Variants in SYCP1 observed in about 807,000 individuals in gnomAD.
The protein encoded by SYCP1 is cancer/testis antigen 8.
A neutral mutation model predicts 153.1 loss-of-function variants in SYCP1; 64 were observed. The observed-to-expected ratio is 0.42, with a 90% confidence interval of 0.34 to 0.51. The LOEUF is 0.51. Among genes scored for constraint, SYCP1 ranks in the 20% least tolerant of loss-of-function variants. The pLI is 0.06. For missense variants in SYCP1, 997 were observed against 1,049.0 expected, an observed-to-expected ratio of 0.95 and a Z score of 0.68; for synonymous variants, 384 against 341.8, an observed-to-expected ratio of 1.12 and a Z score of -1.36.
chr1:114,867,161 T>G (rs1570660215), intron 8 of SYCP1, among the ~76,000 whole-genome samples: 1 of 152,172 alleles, frequency 6.6e-6, no homozygotes, highest in African/African-American at 2.4e-5. Flanking sequence ...TGTAGCTTTA[T>G]AGTAAGTCTT....
chr1:114,924,780 A>T (rs1359706080), intron 21 of SYCP1, among the ~76,000 whole-genome samples: 1 of 152,006 alleles, frequency 6.6e-6, no homozygotes, highest in Non-Finnish European at 1.5e-5. Flanking sequence ...GCATGGAGAG[A>T]TGAAGGTGGG....
At chr1:114,900,399 GC>G (rs1667350434) in intron 16 of SYCP1, among the ~76,000 whole-genome samples, 1 of 152,056 alleles carries the variant, frequency 6.6e-6, no homozygotes, top group Admixed American at 6.5e-5. Context: ...TCCTGCCTGA[GC>G]CTCCTGAGTA....
chr1:114,933,438 A>T (rs1353240935), intron 23 of SYCP1, among the ~76,000 whole-genome samples: 1 of 152,188 alleles, frequency 6.6e-6, no homozygotes, highest in African/African-American at 2.4e-5. Context: ...AACCACAAAG[A>T]TGGGGAGAAA....
At chr1:114,987,309 T>A (rs919225393) in intron 30 of SYCP1, among the ~76,000 whole-genome samples, 21 of 151,020 alleles carry the variant, frequency 1.4e-4, no homozygotes, top group African/African-American at 3.9e-4. Context: ...AAACAGAAAA[T>A]CCCGGGGAAG....
chr1:114,995,317 G>C lies in SYCP1; in HGVS notation c.*298G>C. 4.9e-6 allele frequency: 1 copy of C among 203,330 alleles called. No homozygotes were observed. The highest frequency in any genetic ancestry group is 1.0e-5 in the Non-Finnish European group (1 of 100,486). 12.6% of individuals were successfully genotyped at this position (203,330 alleles called of 1,614,324 possible). A position where few individuals can be genotyped will look rare whatever the true frequency, so the allele number is the denominator to read the frequency against. ...AAGTTAGCCTTTGAATGCTAAGAAT[G>C]CATTATTGAGGGTCATTCTTTATTC... On this transcript the variant is annotated 3_prime_UTR_variant, in exon 32 of 32. Coordinates refer to ENST00000369522, the MANE Select transcript of SYCP1 (RefSeq NM_003176.4).
At chr1:114,877,992 A>G in intron 11 of SYCP1, 102 bp from the exon 12 acceptor site, 1 of 699,396 alleles carries the variant, frequency 1.4e-6, no homozygotes, top group Non-Finnish European at 2.3e-6. Flanking sequence ...GGACCAGCTG[A>G]AAAGCATGTA....
At chr1:114,915,390 A>G (rs1422716755) in intron 20 of SYCP1, among the ~76,000 whole-genome samples, 1 of 152,208 alleles carries the variant, frequency 6.6e-6, no homozygotes, top group Non-Finnish European at 1.5e-5. Context: ...ACAAGTTACT[A>G]TGCTTTTTCT....
intron 30 of SYCP1, among the ~76,000 whole-genome samples, chr1:114,986,680 G>A (rs1437897041): frequency 4.6e-5 from 7 of 151,948 alleles, no homozygotes; most frequent in African/African-American, 7.2e-5. Context: ...TAAAAATTAA[G>A]ATTTAAAAAT....
chr1:114,977,176 G>A (rs752654674), intron 27 of SYCP1, among the ~76,000 whole-genome samples: 24 of 151,620 alleles, frequency 1.6e-4, no homozygotes, highest in Non-Finnish European at 3.0e-4. Context: ...ATCTAATTCT[G>A]CCTGTAAAGG....
chr1:114,944,510 T>G, intron 24 of SYCP1, 55 bp downstream of exon 24: 1 of 1,058,478 alleles, frequency 9.4e-7, no homozygotes, highest in Non-Finnish European at 1.4e-6. Context: ...TATATTTTTA[T>G]TAGGATTTTA....
Position 114,926,484 on chromosome 1 carries a change from A to C in SYCP1, c.1864-17A>C, listed in dbSNP as rs768602826. ...AATAACTTTAGTACTAAATATAATT[A>C]TTTTTAATTTTAACAGAATAAGGCC... On this transcript the variant is annotated splice_polypyrimidine_tract_variant and intron_variant, in intron 22 of 31. Transcript: ENST00000369522. The C allele has an allele frequency of 2.1e-5, 33 of 1,542,790 alleles. No individual in the cohort carries two copies. The African/African-American group carries it at 4.5e-4, about 21-fold the overall frequency.
In SYCP1 at chr1:114,913,980, C is replaced by A. The variant is rs1416414780; in HGVS notation, c.1653C>A (p.Asn551Lys). 4 of 1,552,342 alleles carry A rather than the reference C, an allele frequency of 2.6e-6. No homozygotes were observed. Among genetic ancestry groups the A allele is most frequent in the South Asian group, 2.5e-5 (2 of 78,910 alleles). ...LKNQQEDINN[N>K]KKQEERMLKQ... ...AAACAACATTATTTCTTTAGAATAA[C>A]AAAAAGCAAGAAGAAAGGATGTTGA... Residue 551 changes from asparagine to lysine, a missense_variant, in exon 20 of 32, where the codon AAC becomes AAA. Asn to Lys is a moderately conservative substitution (Grantham distance 94). Around this residue, in one of 2 missense-constraint regions of SYCP1, gnomAD observed 712 missense variants for 682.9 expected, o/e 1.04. Coordinates refer to ENST00000369522, the MANE Select transcript of SYCP1 (RefSeq NM_003176.4).
In SYCP1 at chr1:114,977,556, G is replaced by A. The variant is rs748172710; in HGVS notation, c.2323-1G>A. 6.9e-7 allele frequency: 1 copy of A among 1,453,752 alleles called. No homozygotes were observed. Among genetic ancestry groups the A allele is most frequent in the South Asian group, 1.4e-5 (1 of 72,370 alleles). 90.1% of individuals were successfully genotyped at this position (1,453,752 alleles called of 1,614,324 possible). On this transcript the variant is annotated splice_acceptor_variant, in intron 27 of 31. Transcript: ENST00000369522. LOFTEE classifies it high-confidence loss of function. The stretch of plus-strand genomic sequence containing the variant: ...TTGTACTTGATATTTATTTTTAATA[G>A]GAAAAACTCAAAAGAGAGGCAAAAG...
intron 16 of SYCP1, among the ~76,000 whole-genome samples, chr1:114,906,981 T>G (rs1667852338): frequency 6.6e-6 from 1 of 152,196 alleles, no homozygotes; most frequent in African/African-American, 2.4e-5. Flanking sequence ...ATTCTATCAG[T>G]GATTGCTTCG....
intron 30 of SYCP1, among the ~76,000 whole-genome samples, chr1:114,988,251 T>A: frequency 6.7e-6 from 1 of 149,482 alleles, no homozygotes; most frequent in African/African-American, 2.5e-5. Context: ...GAGAGAGAGG[T>A]GGAAAGAGTT....
At chr1:114,984,114 C>T (rs1439459618) in intron 29 of SYCP1, among the ~76,000 whole-genome samples, 1 of 151,872 alleles carries the variant, frequency 6.6e-6, no homozygotes, top group African/African-American at 2.4e-5. Context: ...TGCTATGTTG[C>T]TCAGTCTAGT....
intron 23 of SYCP1, among the ~76,000 whole-genome samples, chr1:114,928,593 G>A (rs75197428): frequency 3.3e-5 from 5 of 152,226 alleles, no homozygotes; most frequent in Admixed American, 1.3e-4. Flanking sequence ...TTTAAAAGGC[G>A]ATATATTTTT....
intron 30 of SYCP1, among the ~76,000 whole-genome samples, chr1:114,985,703 T>A (rs948079563): frequency 2.6e-5 from 4 of 151,740 alleles, no homozygotes; most frequent in African/African-American, 9.7e-5. Context: ...ACATATAGAG[T>A]CCCTACTTCA....
In SYCP1 at chr1:114,859,792, A is replaced by G. The variant is rs530239041; in HGVS notation, c.506A>G (p.Asn169Ser). ...SLKLEEGIQE[N>S]KDLIKENNAT... ...AAATTAGAAGAAGGAATACAAGAAA[A>G]TAAAGATTTAATAAAAGAGTAAGTA... Residue 169 changes from asparagine to serine, a missense_variant, in exon 7 of 32, where the codon AAT becomes AGT. By Grantham distance (46) the Asn-to-Ser change is conservative. This residue lies in a region of SYCP1 where 285 missense variants were observed against 366.1 expected (regional missense o/e 0.78). Transcript: ENST00000369522. 4.0e-5 allele frequency: 30 copies of G among 755,194 alleles called. No homozygotes were observed. Among genetic ancestry groups the G allele is most frequent in the Non-Finnish European group, 5.7e-5 (30 of 526,370 alleles). The allele number at this position is 755,194 out of a possible 1,614,324, so 46.8% of individuals were successfully genotyped here. A position where few individuals can be genotyped will look rare whatever the true frequency, so the allele number is the denominator to read the frequency against.
Sources: gnomAD v4.1 joint callset for allele counts (sites outside exome capture counted in the v4.1 genomes callset) on GRCh38, gnomAD v4.1.1 for gene constraint, gnomAD v4.1.1 regional missense constraint, MANE v1.5 for transcripts, NCBI Gene and HGNC (gene_info 2026-07-23, HGNC 2026-07-21) for gene names.